The following CDK13 variants were observed in gnomAD, a reference collection of about 807,000 sequenced individuals.
The protein encoded by CDK13 is cyclin-dependent kinase 13.
A neutral mutation model predicts 137.6 loss-of-function variants in CDK13; 40 were observed. That is an observed-to-expected ratio of 0.29 (90% CI 0.23 to 0.38). The LOEUF is 0.38. Ranked by LOEUF, CDK13 falls within the 10% of genes least tolerant of loss-of-function variation. The pLI is 1.00. For missense variants in CDK13, 1,704 were observed against 1,951.8 expected (o/e 0.87, Z 2.39); for synonymous variants, 869 against 760.1 (o/e 1.14, Z -2.36).
At chr7:40,034,408 T>G (rs1382022550) in intron 5 of CDK13, among the ~76,000 whole-genome samples, 4 of 152,226 alleles carry the variant, frequency 2.6e-5, no homozygotes, top group African/African-American at 9.6e-5. Flanking sequence ...TGGCAGTTTT[T>G]AACTCCTTAA....
chr7:39,984,682 T>G (rs1303570217), intron 1 of CDK13: 1 of 152,042 alleles, frequency 6.6e-6, no homozygotes, highest in African/African-American at 2.4e-5. Context: ...TTAAATTATT[T>G]TTGACTGTTG....
chr7:39,950,612 C>G lies in CDK13; in HGVS notation c.-30C>G. 1.6e-6 allele frequency: 2 copies of G among 1,289,592 alleles called. No individual in the cohort carries two copies. Among genetic ancestry groups the G allele is most frequent in the Middle Eastern group, 3.0e-4 (1 of 3,374 alleles). The allele number at this position is 1,289,592 out of a possible 1,614,324, so 79.9% of individuals were successfully genotyped here. A position where few individuals can be genotyped will look rare whatever the true frequency, so the allele number is the denominator to read the frequency against. On this transcript the variant is annotated 5_prime_UTR_variant, in exon 1 of 14. Coordinates refer to ENST00000181839, the MANE Select transcript of CDK13 (RefSeq NM_003718.5). ...ATCTGACCCGGGAGGAGGCCGCACC[C>G]GCGCCGCGCTCTGCGGCTGGCTCTA...
intron 7 of CDK13, among the ~76,000 whole-genome samples, chr7:40,056,926 A>G (rs1033206944): frequency 1.4e-4 from 22 of 152,248 alleles, no homozygotes; most frequent in African/African-American, 5.3e-4. Context: ...TGGCTTAAAG[A>G]ATGAGAAGTT....
intron 1 of CDK13, among the ~76,000 whole-genome samples, chr7:39,963,416 C>T (rs1583913386): frequency 6.6e-6 from 1 of 150,978 alleles, no homozygotes; most frequent in Non-Finnish European, 1.5e-5. Context: ...CATGATTTGG[C>T]TCTCTGTTTG....
intron 1 of CDK13, among the ~76,000 whole-genome samples, chr7:39,964,213 C>T (rs1184583479): frequency 6.6e-6 from 1 of 152,130 alleles, no homozygotes; most frequent in African/African-American, 2.4e-5. Context: ...CCTCCTTGTA[C>T]CTCTGGTAGA....
intron 5 of CDK13, among the ~76,000 whole-genome samples, chr7:40,040,836 T>C (rs1785589960): frequency 6.6e-6 from 1 of 152,078 alleles, no homozygotes; most frequent in African/African-American, 2.4e-5. Flanking sequence ...TAATAATTTT[T>C]TTGTTGTCAT....
At chr7:39,999,840 A>AT (rs1263990573) in intron 4 of CDK13, among the ~76,000 whole-genome samples, 3 of 151,696 alleles carry the variant, frequency 2.0e-5, no homozygotes, top group Non-Finnish European at 4.4e-5. Flanking sequence ...TTAGTAGTAA[A>AT]TTTTTTTTGT....
At chr7:40,053,271 G>A (rs138543634) in intron 7 of CDK13, among the ~76,000 whole-genome samples, 148 of 152,196 alleles carry the variant, frequency 9.7e-4, no homozygotes, top group African/African-American at 3.3e-3. Context: ...GGTGATTTGG[G>A]TACCCTAAAT....
rs763368419 is a variant in CDK13, at chr7:39,951,431, A to C, written c.790A>C (p.Thr264Pro). Reference sequence around the variant, plus strand: ...CGGCCGCCGGAAAAGCGCTTCGGCCACATCCAGCAGCAGTAGCAGCCGCAA... The same window carrying C: ...CGGCCGCCGGAAAAGCGCTTCGGCCCCATCCAGCAGCAGTAGCAGCCGCAA... ...SGGRRKSASATSSSSSSRKDR... is the reference protein window; with the variant it reads ...SGGRRKSASAPSSSSSSRKDR... Residue 264 changes from threonine (T) to proline (P), a missense_variant, in exon 1 of 14, where the codon ACA (threonine) becomes CCA (proline). Around this residue, in one of 5 missense-constraint regions of CDK13, gnomAD observed 1,051 missense variants for 931.0 expected, o/e 1.13. Transcript: ENST00000181839. 3 of 1,532,778 alleles carry C rather than the reference A, an allele frequency of 2.0e-6. No individual in the cohort carries two copies. The highest frequency in any genetic ancestry group is 8.8e-7 in the Non-Finnish European group (1 of 1,140,866). The allele number at this position is 1,532,778 out of a possible 1,614,324, so 94.9% of individuals were successfully genotyped here.
At chr7:39,991,947 G>C (rs1784462866) in intron 2 of CDK13, among the ~76,000 whole-genome samples, 1 of 152,052 alleles carries the variant, frequency 6.6e-6, no homozygotes, top group African/African-American at 2.4e-5. Flanking sequence ...AGCTACTTGG[G>C]AGGCTGAGGT....
chr7:40,027,655 C>G, intron 5 of CDK13, among the ~76,000 whole-genome samples: 1 of 89,724 alleles, frequency 1.1e-5, no homozygotes, highest in East Asian at 3.4e-4. Context: ...CACCCTTGGG[C>G]TTTTTTTTTT....
chr7:40,092,783 A>G lies in CDK13; in HGVS notation c.3236-2A>G. The G allele has an allele frequency of 1.2e-6, 2 of 1,607,860 alleles. No individual in the cohort carries two copies. The highest frequency in any genetic ancestry group is 1.7e-6 in the Non-Finnish European group (2 of 1,176,598). ...TTCTAATTAATATAATTTTGTCTTT[A>G]GTAAAAACAGGCCCTGGACAGCACT... On this transcript the variant is annotated splice_acceptor_variant, in intron 12 of 13. Transcript: ENST00000181839. LOFTEE classifies it high-confidence loss of function.
intron 1 of CDK13, among the ~76,000 whole-genome samples, chr7:39,967,392 T>A (rs1082021): frequency 0.99 from 151,125 of 152,136 alleles, 75,069 homozygotes; most frequent in East Asian, 1. Context: ...GCGCCACGCC[T>A]CTGCACTCCA....
intron 7 of CDK13, among the ~76,000 whole-genome samples, chr7:40,055,715 A>G (rs1254800180): frequency 6.6e-6 from 1 of 151,556 alleles, no homozygotes; most frequent in African/African-American, 2.4e-5. Context: ...AGCAGCTGGG[A>G]TTACAGGCAT....
Position 40,078,795 on chromosome 7 carries a change from G to A in CDK13, c.2973G>A (p.Gln991=). ...LDPSKRCTAE[Q]ALQCEFLRDV... is the part of the protein sequence containing the mutation. ...CTAGTAAGCGCTGCACTGCTGAACAGGCTCTTCAGTGCGAGTTCCTCCGAG... is the reference window on the plus strand; with the variant it reads ...CTAGTAAGCGCTGCACTGCTGAACAAGCTCTTCAGTGCGAGTTCCTCCGAG... Residue 991 remains glutamine (Q), a synonymous_variant, in exon 11 of 14, where the codon CAG becomes CAA. Transcript: ENST00000181839. The A allele has an allele frequency of 6.5e-7, 1 of 1,543,290 alleles. No homozygotes were observed.
In CDK13 at chr7:40,094,373, C is replaced by T. The variant is rs774117272; in HGVS notation, c.3932C>T (p.Pro1311Leu). 6.2e-7 allele frequency: 1 copy of T among 1,613,820 alleles called. No individual in the cohort carries two copies. Among genetic ancestry groups the T allele is most frequent in the African/African-American group, 1.3e-5 (1 of 74,842 alleles). Residue 1311 changes from proline to leucine, a missense_variant, in exon 14 of 14, where the codon CCC becomes CTC. This residue lies in a region of CDK13 where 475 missense variants were observed against 579.3 expected (regional missense o/e 0.82). Coordinates refer to ENST00000181839, the MANE Select transcript of CDK13 (RefSeq NM_003718.5). Reference sequence around the variant, plus strand: ...TTACAGCTGCTTGCTCAGCATCAGCCCCAGGATGACCCCAAAAGAGAAGGT... The same window carrying T: ...TTACAGCTGCTTGCTCAGCATCAGCTCCAGGATGACCCCAAAAGAGAAGGT... Reference protein sequence around the residue: ...ALLQLLAQHQPQDDPKREGGI... With the variant: ...ALLQLLAQHQLQDDPKREGGI...
chr7:40,023,265 G>C (rs1392230650), intron 5 of CDK13, among the ~76,000 whole-genome samples: 5 of 151,886 alleles, frequency 3.3e-5, no homozygotes, highest in East Asian at 1.9e-4. Flanking sequence ...GCTAATTTTT[G>C]TGTTTCTGGT....
At chr7:39,996,976 AGAAAAAAAAAAAG>A (rs1784575305) in intron 2 of CDK13, among the ~76,000 whole-genome samples, 1 of 139,006 alleles carries the variant, frequency 7.2e-6, no homozygotes, top group African/African-American at 2.8e-5. Context: ...AAAAAAAAAA[AGAAAAAAAAAAAG>A]AAAAATGCTT....
chr7:39,988,831 C>G (rs1784395664), intron 2 of CDK13, among the ~76,000 whole-genome samples: 1 of 151,932 alleles, frequency 6.6e-6, no homozygotes, highest in Admixed American at 6.6e-5. Context: ...CCTGTAATCC[C>G]AGCACTTTGG....
Sources: gnomAD v4.1 joint callset for allele counts (sites outside exome capture counted in the v4.1 genomes callset) on GRCh38, gnomAD v4.1.1 for gene constraint, gnomAD v4.1.1 regional missense constraint, MANE v1.5 for transcripts, NCBI Gene and HGNC (gene_info 2026-07-23, HGNC 2026-07-21) for gene names.